The following TRIM14 variants were observed in gnomAD, a reference collection of about 807,000 sequenced individuals.
TRIM14 encodes tripartite motif containing 14, also known as tripartite motif-containing protein 14.
In TRIM14, 28 loss-of-function variants were observed where a neutral mutation model predicts 44.5. The observed-to-expected ratio is 0.63, with a 90% CI of 0.47 to 0.86. The LOEUF is 0.86. Ranked by LOEUF, TRIM14 falls within the 40% of genes least tolerant of loss-of-function variation. The pLI is 0.00. For missense variants in TRIM14, 607 were observed against 611.1 expected (o/e 0.99, Z 0.07); for synonymous variants, 299 against 269.2 (o/e 1.11, Z -1.08).
downstream of TRIM14, chr9:98,082,970 G>A: frequency 6.2e-7 from 1 of 1,614,168 alleles, no homozygotes; most frequent in Non-Finnish European, 8.5e-7. Flanking sequence ...AATCTAGTGG[G>A]CAAGAAGGTC....
intron 6 of TRIM14, among the ~76,000 whole-genome samples, chr9:98,077,715 T>C (rs1829652832): frequency 1.3e-5 from 2 of 152,114 alleles, no homozygotes; most frequent in South Asian, 2.1e-4. Flanking sequence ...CTCATAACAC[T>C]CCTAGGACTG....
chr9:98,046,918 TC>T, the TRIM14 span, among the ~76,000 whole-genome samples: 473 of 152,190 alleles, frequency 3.1e-3, 3 homozygotes, highest in African/African-American at 0.01. Flanking sequence ...GGGAAACTTT[TC>T]CCCCCAAAGG....
chr9:98,110,452 A>T (rs973720272), intron 1 of TRIM14, among the ~76,000 whole-genome samples: 1 of 152,126 alleles, frequency 6.6e-6, no homozygotes, highest in African/African-American at 2.4e-5. Flanking sequence ...AGTGGGGTTC[A>T]TGCTTCCTGC....
chr9:98,115,808 A>T (rs1237820733), intron 1 of TRIM14: 1 of 152,216 alleles, frequency 6.6e-6, no homozygotes, highest in African/African-American at 2.4e-5. Context: ...GACTGAAATG[A>T]TATATCTTCA....
downstream of TRIM14, chr9:98,081,094 C>A: frequency 6.2e-7 from 1 of 1,613,910 alleles, no homozygotes; most frequent in South Asian, 1.1e-5. Context: ...TGTGTCCTGC[C>A]GGACTCTACT....
intron 6 of TRIM14, among the ~76,000 whole-genome samples, chr9:98,071,861 T>C (rs1392848582): frequency 2.6e-5 from 4 of 152,242 alleles, no homozygotes; most frequent in Admixed American, 6.5e-5. Context: ...CCTGAGCTCC[T>C]GGATCTGACC....
At chr9:98,038,943 G>C in the TRIM14 span, among the ~76,000 whole-genome samples, 1 of 152,032 alleles carries the variant, frequency 6.6e-6, no homozygotes, top group African/African-American at 2.4e-5. Context: ...CCAGCTACTG[G>C]GGAGGCTGAG....
intron 6 of TRIM14, among the ~76,000 whole-genome samples, chr9:98,070,711 C>T (rs760913536): frequency 2.5e-4 from 38 of 152,016 alleles, no homozygotes; most frequent in Non-Finnish European, 5.0e-4. Flanking sequence ...TGAGCCATCG[C>T]GCCTGGTCAC....
At chr9:98,062,656 A>G in the TRIM14 span, among the ~76,000 whole-genome samples, 2 of 152,184 alleles carry the variant, frequency 1.3e-5, no homozygotes, top group South Asian at 4.1e-4. Flanking sequence ...TTAACATTAT[A>G]GCACAAACTT....
the TRIM14 span, among the ~76,000 whole-genome samples, chr9:98,050,628 C>G: frequency 6.6e-6 from 1 of 152,174 alleles, no homozygotes; most frequent in East Asian, 1.9e-4. Context: ...AAATATTCCC[C>G]CTTTTTGGTC....
rs577148501 is a variant in TRIM14 at position 98,075,904 on chromosome 9, G to C, written c.*29-6217C>G. The C allele has an allele frequency of 1.7e-3, 263 of 152,264 alleles. 3 individuals are homozygous for C. The highest frequency in any genetic ancestry group is 6.0e-3 in the African/African-American group (251 of 41,548). 9.4% of individuals were successfully genotyped at this position (152,264 alleles called of 1,614,324 possible). ...AGTTCTTATAATTTGACAGCAAACT[G>C]AGATTTTACTCTTATAACTTGTGAT... On this transcript the variant is annotated intron_variant, in intron 6 of 6. Transcript: ENST00000375098.
chr9:98,111,857 G>C (rs1352317055), intron 1 of TRIM14, among the ~76,000 whole-genome samples: 2 of 152,120 alleles, frequency 1.3e-5, no homozygotes, highest in African/African-American at 4.8e-5. Flanking sequence ...AGAATCACTT[G>C]AACCCAGGAG....
chr9:98,103,506 A>T (rs1031497470), intron 2 of TRIM14, among the ~76,000 whole-genome samples: 2 of 152,132 alleles, frequency 1.3e-5, no homozygotes, highest in African/African-American at 4.8e-5. Context: ...TTTAAATTTT[A>T]AAAAATGACA....
chr9:98,110,861 AAT>A (rs947465617), intron 1 of TRIM14, among the ~76,000 whole-genome samples: 3 of 149,786 alleles, frequency 2.0e-5, no homozygotes, highest in African/African-American at 7.4e-5. Context: ...AATAAAATAA[AAT>A]AAAATAAAAT....
Position 98,087,381 on chromosome 9 carries a change from G to A in TRIM14, c.*89C>T, listed in dbSNP as rs762822223. 6.9e-6 allele frequency: 11 copies of A among 1,590,440 alleles called. No homozygotes were observed. Among genetic ancestry groups the A allele is most frequent in the Non-Finnish European group, 9.5e-6 (11 of 1,159,068 alleles). On this transcript the variant is annotated 3_prime_UTR_variant, in exon 6 of 6. Coordinates refer to ENST00000341469, the MANE Select transcript of TRIM14 (RefSeq NM_014788.4). ...GGGAGAGGGCCCTAAGAAGCAGGCA[G>A]TAAGGGGACCAGCCACGCTGATCTA...
downstream of TRIM14, among the ~76,000 whole-genome samples, chr9:98,064,613 A>C (rs560317961): frequency 4.6e-5 from 7 of 152,274 alleles, no homozygotes; most frequent in Non-Finnish European, 1.0e-4. Flanking sequence ...ACATACAGTA[A>C]TATATTTTAT....
In TRIM14 at chr9:98,087,114, T is replaced by C. The variant is rs1319330264; in HGVS notation, c.*356A>G. ...GTGTGCCTACTATGTGTCAGGTTCC[T>C]GTGCTGTACGAGGGAGAAGGTTCCC... On this transcript the variant is annotated 3_prime_UTR_variant, in exon 6 of 6. Coordinates refer to ENST00000341469, the MANE Select transcript of TRIM14 (RefSeq NM_014788.4). 3.9e-6 allele frequency: 2 copies of C among 515,286 alleles called. No homozygotes were observed. The highest frequency in any genetic ancestry group is 1.9e-5 in the African/African-American group (1 of 51,924). The allele number at this position is 515,286 out of a possible 1,614,324, so 31.9% of individuals were successfully genotyped here.
the TRIM14 span, among the ~76,000 whole-genome samples, chr9:98,038,018 C>T: frequency 1.3e-5 from 2 of 152,022 alleles, no homozygotes; most frequent in African/African-American, 4.8e-5. Flanking sequence ...CAGGTACATG[C>T]CAGTGCACCC....
chr9:98,106,842 T>C (rs1339203248), intron 2 of TRIM14, among the ~76,000 whole-genome samples: 1 of 150,934 alleles, frequency 6.6e-6, no homozygotes, highest in Non-Finnish European at 1.5e-5. Context: ...TTTTTTTTTT[T>C]TGAGACATGG....
Sources: gnomAD v4.1 joint callset for allele counts (sites outside exome capture counted in the v4.1 genomes callset) on GRCh38, gnomAD v4.1.1 for gene constraint, MANE v1.5 for transcripts, NCBI Gene and HGNC (gene_info 2026-07-23, HGNC 2026-07-21) for gene names.